The following ZNF462 variants were observed in gnomAD, a reference collection of about 807,000 sequenced individuals.
The protein encoded by ZNF462 is zinc finger protein 462.
A neutral mutation model predicts 201.9 loss-of-function variants in ZNF462; 10 were observed. The observed-to-expected ratio is 0.05, with a 90% CI of 0.03 to 0.08. The LOEUF is 0.08. Ranked by LOEUF, ZNF462 falls within the 10% of genes least tolerant of loss-of-function variation. The pLI, the probability that ZNF462 is intolerant of heterozygous loss-of-function variation, is 1.00. For synonymous variants in ZNF462, 1,227 were observed against 1,193.3 expected, an observed-to-expected ratio of 1.03 and a Z score of -0.58; for missense variants, 2,523 against 3,168.3, an observed-to-expected ratio of 0.80 and a Z score of 4.89.
Position 106,924,805 on chromosome 9 carries a change from C to T in ZNF462, c.893C>T (p.Ser298Phe), listed in dbSNP as rs1341997693. ...VPNKSAPSPTSNSTYLTMNAA... is the reference protein window; with the variant it reads ...VPNKSAPSPTFNSTYLTMNAA... ...AACAAGAGTGCCCCCAGCCCCACTT[C>T]CAACTCCACCTATCTGACCATGAAT... Residue 298 changes from serine (S) to phenylalanine (F), a missense_variant, in exon 3 of 13, where the codon TCC (serine) becomes TTC (phenylalanine). Around this residue, in one of 15 missense-constraint regions of ZNF462, gnomAD observed 480 missense variants for 544.4 expected, o/e 0.88. Coordinates refer to ENST00000277225, the MANE Select transcript of ZNF462 (RefSeq NM_021224.6). This position sits in a 1 kb window ranked among gnomAD's most constrained non-coding sequence, Gnocchi z 6.2. The T allele has an allele frequency of 6.2e-7, 1 of 1,614,204 alleles. No individual in the cohort carries two copies. Among genetic ancestry groups the T allele is most frequent in the Admixed American group, 1.7e-5 (1 of 60,026 alleles).
Position 106,968,482 on chromosome 9 carries a change from A to G in ZNF462, c.6428-3523A>G. On this transcript the variant is annotated intron_variant, in intron 7 of 12. Coordinates refer to ENST00000277225, the MANE Select transcript of ZNF462 (RefSeq NM_021224.6). This position sits in a 1 kb window ranked among gnomAD's most constrained non-coding sequence, Gnocchi z 4.0. Reference sequence around the variant, plus strand: ...TAATTTCATTTCTAAAACTTCACATATAATTAAAGTCACAAGTCAGAGAAT... The same window carrying G: ...TAATTTCATTTCTAAAACTTCACATGTAATTAAAGTCACAAGTCAGAGAAT... Among the ~76,000 whole-genome samples the G allele has an allele frequency of 6.6e-6, 1 of 152,326 alleles. No individual in the cohort carries two copies. Among genetic ancestry groups the G allele is most frequent in the Non-Finnish European group, 1.5e-5 (1 of 68,022 alleles).
At position 106,926,209 on chromosome 9, in the gene ZNF462, G is replaced by A. The variant is rs1438000896; in HGVS notation, c.2297G>A (p.Ser766Asn). Residue 766 changes from serine (S) to asparagine (N), a missense_variant, in exon 3 of 13, where the codon AGT (serine) becomes AAT (asparagine). By Grantham distance (46) the Ser-to-Asn change is conservative. Coordinates refer to ENST00000277225, the MANE Select transcript of ZNF462 (RefSeq NM_021224.6). This position sits in a 1 kb window ranked among gnomAD's most constrained non-coding sequence, Gnocchi z 7.9. ...CAACAGATATGGGTAAGAGATACCA[G>A]TGAGCCCCAGAAAGAGCCCAACTTC... The part of the protein sequence containing the change: ...SAQQIWVRDT[S>N]EPQKEPNFRN... The A allele has an allele frequency of 1.2e-6, 2 of 1,614,076 alleles. No individual in the cohort carries two copies. The highest frequency in any genetic ancestry group is 2.2e-5 in the East Asian group (1 of 44,894).
At chr9:106,896,702 T>G (rs974859828) in intron 1 of ZNF462, among the ~76,000 whole-genome samples, 3 of 152,224 alleles carry the variant, frequency 2.0e-5, no homozygotes, top group Non-Finnish European at 4.4e-5. Context: ...GACTGATTGA[T>G]GAAATATTTT....
intron 7 of ZNF462, among the ~76,000 whole-genome samples, chr9:106,958,302 C>T (rs564077694): frequency 5.0e-4 from 76 of 152,212 alleles, no homozygotes; most frequent in African/African-American, 1.8e-3. Context: ...AAAGCCCTTC[C>T]GTGGCTGTCT....
At chr9:106,961,889 G>C (rs1007627039) in intron 7 of ZNF462, among the ~76,000 whole-genome samples, 4 of 152,008 alleles carry the variant, frequency 2.6e-5, no homozygotes, top group Admixed American at 2.6e-4. Flanking sequence ...AAAAGTATAA[G>C]AAGGATATTG....
At position 106,938,571 on chromosome 9, in the gene ZNF462, G is replaced by T. The variant is rs1830728807; in HGVS notation, c.6236-345G>T. On this transcript the variant is annotated intron_variant, in intron 6 of 12. Transcript: ENST00000277225. This position sits in a 1 kb window ranked among gnomAD's most constrained non-coding sequence, Gnocchi z 4.4. ...GAAACCTGACATGGTCATTTCTAGTGTAGAGAGGGAGGGAAAGGGATTGGA... is the reference window on the plus strand; with the variant it reads ...GAAACCTGACATGGTCATTTCTAGTTTAGAGAGGGAGGGAAAGGGATTGGA... 6.6e-6 allele frequency among the ~76,000 whole-genome samples: 1 copy of T among 152,198 alleles called. No homozygotes were observed. The highest frequency in any genetic ancestry group is 6.5e-5 in the Admixed American group (1 of 15,290).
chr9:106,931,200 A>G (rs1830409493), intron 4 of ZNF462, among the ~76,000 whole-genome samples: 1 of 152,232 alleles, frequency 6.6e-6, no homozygotes, highest in Admixed American at 6.5e-5. Flanking sequence ...TCAAGTCGCA[A>G]TTGACCCTGA....
intron 6 of ZNF462, among the ~76,000 whole-genome samples, chr9:106,936,110 G>A (rs1830620749): frequency 6.6e-6 from 1 of 152,208 alleles, no homozygotes; most frequent in Non-Finnish European, 1.5e-5. Context: ...GGTTGTGAGT[G>A]TCCAGCAGCT....
rs1564088684 is a variant in ZNF462, at chr9:106,905,981, C to A, written c.-30-17373C>A. On this transcript the variant is annotated intron_variant, in intron 1 of 12. Transcript: ENST00000277225. The surrounding 1 kb of genome is among the most constrained non-coding windows in gnomAD (Gnocchi z 5.9). ...TCCTTCTCCCTGTGGAGTTTTACCC[C>A]CTGCTCCTCTGGCCACCCTCCCAAT... is the stretch of plus-strand genomic sequence containing the variant. Among the ~76,000 whole-genome samples the A allele has an allele frequency of 6.6e-6, 1 of 152,180 alleles. No homozygotes were observed.
In ZNF462 at chr9:106,905,805, T is replaced by C. The variant is rs1416037817; in HGVS notation, c.-30-17549T>C. ...AGGGCGAGATGGGCTTGAAAATTTC[T>C]CTGAGGCTACGCACCTCCCAGCTGC... On this transcript the variant is annotated intron_variant, in intron 1 of 12. Transcript: ENST00000277225. This position sits in a 1 kb window ranked among gnomAD's most constrained non-coding sequence, Gnocchi z 5.9. 6.6e-6 allele frequency among the ~76,000 whole-genome samples: 1 copy of C among 152,188 alleles called. No individual in the cohort carries two copies. Among genetic ancestry groups the C allele is most frequent in the Non-Finnish European group, 1.5e-5 (1 of 68,034 alleles).
rs1337520377 is a variant in ZNF462 at position 106,977,653 on chromosome 9, C to T, written c.6832+3380C>T. Among the ~76,000 whole-genome samples the T allele has an allele frequency of 6.6e-6, 1 of 151,456 alleles. No homozygotes were observed. Among genetic ancestry groups the T allele is most frequent in the Non-Finnish European group, 1.5e-5 (1 of 68,026 alleles). On this transcript the variant is annotated intron_variant, in intron 9 of 12. Coordinates refer to ENST00000277225, the MANE Select transcript of ZNF462 (RefSeq NM_021224.6). The surrounding 1 kb of genome is among the most constrained non-coding windows in gnomAD (Gnocchi z 4.6). Reference sequence around the variant, plus strand: ...AATGGGGAACATAAGACCCAGCACCCACTCTCCTCAGAGATGAGCATGTGC... The same window carrying T: ...AATGGGGAACATAAGACCCAGCACCTACTCTCCTCAGAGATGAGCATGTGC...
intron 1 of ZNF462, among the ~76,000 whole-genome samples, chr9:106,915,029 G>A (rs537136886): frequency 2.0e-5 from 3 of 152,194 alleles, no homozygotes; most frequent in African/African-American, 7.2e-5. Flanking sequence ...TGTACAAAAA[G>A]GTTGAACGTC....
Position 106,977,950 on chromosome 9 carries a change from G to T in ZNF462, c.6832+3677G>T, listed in dbSNP as rs1388937237. On this transcript the variant is annotated intron_variant, in intron 9 of 12. Coordinates refer to ENST00000277225, the MANE Select transcript of ZNF462 (RefSeq NM_021224.6). The surrounding 1 kb of genome is among the most constrained non-coding windows in gnomAD (Gnocchi z 4.6). ...GTTTCCTCTGAAGGCACAAGAGAAGGATCCTTATTTGCCTCTTCCTAGCTT... is the reference window on the plus strand; with the variant it reads ...GTTTCCTCTGAAGGCACAAGAGAAGTATCCTTATTTGCCTCTTCCTAGCTT... Among the ~76,000 whole-genome samples the T allele has an allele frequency of 6.6e-6, 1 of 151,536 alleles. No individual in the cohort carries two copies. Among genetic ancestry groups the T allele is most frequent in the African/African-American group, 2.4e-5 (1 of 40,828 alleles).
rs1451499237 is a variant in ZNF462, at chr9:106,993,449, C to A, written c.7056+9040C>A. 2.0e-5 allele frequency among the ~76,000 whole-genome samples: 3 copies of A among 152,194 alleles called. No homozygotes were observed. The highest frequency in any genetic ancestry group is 3.4e-3 in the Middle Eastern group (1 of 292). On this transcript the variant is annotated intron_variant, in intron 10 of 12. Coordinates refer to ENST00000277225, the MANE Select transcript of ZNF462 (RefSeq NM_021224.6). This position sits in a 1 kb window ranked among gnomAD's most constrained non-coding sequence, Gnocchi z 4.0. ...ACAATCTTTCCTCCTAGATCTTTAT[C>A]TTTGTTACTAGTGAGCGAGGCATCA... is the stretch of plus-strand genomic sequence containing the variant.
Position 106,932,665 on chromosome 9 carries a change from G to C in ZNF462, c.6116+116G>C. 2 of 1,311,542 alleles carry C rather than the reference G, an allele frequency of 1.5e-6. No individual in the cohort carries two copies. The highest frequency in any genetic ancestry group is 1.3e-5 in the South Asian group (1 of 74,582). 81.2% of individuals were successfully genotyped at this position (1,311,542 alleles called of 1,614,324 possible). A position where few individuals can be genotyped will look rare whatever the true frequency, so the allele number is the denominator to read the frequency against. ...AAGGCCCCACTCATGGTTCACACCT[G>C]CTGCTATGTTACCTGGAGCCTCAGT... is the stretch of plus-strand genomic sequence containing the variant. On this transcript the variant is annotated intron_variant, in intron 5 of 12. Coordinates refer to ENST00000277225, the MANE Select transcript of ZNF462 (RefSeq NM_021224.6). This position sits in a 1 kb window ranked among gnomAD's most constrained non-coding sequence, Gnocchi z 6.8.
intron 7 of ZNF462, among the ~76,000 whole-genome samples, chr9:106,956,339 A>G (rs571824788): frequency 6.6e-5 from 10 of 152,284 alleles, no homozygotes; most frequent in Middle Eastern, 3.4e-3. Flanking sequence ...TTTGAAAGGA[A>G]TCTTTTTTAT....
intron 1 of ZNF462, among the ~76,000 whole-genome samples, chr9:106,893,672 C>T (rs747286956): frequency 7.9e-5 from 12 of 152,146 alleles, no homozygotes; most frequent in African/African-American, 1.9e-4. Flanking sequence ...ACTCAGGAGA[C>T]GGCAGGAACT....
chr9:106,930,393 T>G lies in ZNF462; in HGVS notation c.5848-132T>G, dbSNP rs1830376240. 1 of 1,166,380 alleles carries G rather than the reference T, an allele frequency of 8.6e-7. No homozygotes were observed. The highest frequency in any genetic ancestry group is 1.2e-6 in the Non-Finnish European group (1 of 844,780). 72.3% of individuals were successfully genotyped at this position (1,166,380 alleles called of 1,614,324 possible). On this transcript the variant is annotated intron_variant, in intron 3 of 12. Coordinates refer to ENST00000277225, the MANE Select transcript of ZNF462 (RefSeq NM_021224.6). This position sits in a 1 kb window ranked among gnomAD's most constrained non-coding sequence, Gnocchi z 5.8. ...TGACAAATTTGTTATATAAAAATAC[T>G]CGCCTATATCTCCCTTGGTTTTTAA...
At position 106,970,160 on chromosome 9, in the gene ZNF462, A is replaced by G. The variant is rs1208140662; in HGVS notation, c.6428-1845A>G. 1.3e-5 allele frequency among the ~76,000 whole-genome samples: 2 copies of G among 152,232 alleles called. No individual in the cohort carries two copies. Among genetic ancestry groups the G allele is most frequent in the Admixed American group, 6.5e-5 (1 of 15,278 alleles). On this transcript the variant is annotated intron_variant, in intron 7 of 12. Coordinates refer to ENST00000277225, the MANE Select transcript of ZNF462 (RefSeq NM_021224.6). This position sits in a 1 kb window ranked among gnomAD's most constrained non-coding sequence, Gnocchi z 4.2. ...GAAAAAGGAGATAAAAGAACTGGGTAAAATGAATTCAGTTGTCATTCCTTT... is the reference window on the plus strand; with the variant it reads ...GAAAAAGGAGATAAAAGAACTGGGTGAAATGAATTCAGTTGTCATTCCTTT...
Sources: gnomAD v4.1 joint callset for allele counts (sites outside exome capture counted in the v4.1 genomes callset) on GRCh38, gnomAD v4.1.1 for gene constraint, gnomAD v4.1.1 regional missense constraint, Gnocchi (gnomAD v3.1) non-coding constraint, MANE v1.5 for transcripts, NCBI Gene and HGNC (gene_info 2026-07-23, HGNC 2026-07-21) for gene names.